Variants in FGD6 observed in about 807,000 individuals in gnomAD.
The protein encoded by FGD6 is FYVE, RhoGEF and PH domain-containing protein 6.
A neutral mutation model predicts 149.4 loss-of-function variants in FGD6; 90 were observed. That is an observed-to-expected ratio of 0.60 (90% CI 0.51 to 0.72). The LOEUF is 0.72. FGD6 is among the 30% of genes least tolerant of loss of function. The pLI is 0.00. For synonymous variants in FGD6, 527 were observed against 584.0 expected (o/e 0.90, Z 1.41); for missense variants, 1,437 against 1,684.8 (o/e 0.85, Z 2.57).
chr12:95,113,022 C>T (rs547920377), intron 9 of FGD6, among the ~76,000 whole-genome samples: 3 of 152,184 alleles, frequency 2.0e-5, no homozygotes, highest in Non-Finnish European at 2.9e-5. Context: ...GAATATGGCA[C>T]GGGCACAGAG....
chr12:95,120,243 A>AAATC, intron 8 of FGD6, among the ~76,000 whole-genome samples: 1 of 147,384 alleles, frequency 6.8e-6, no homozygotes, highest in South Asian at 2.1e-4. Flanking sequence ...AAATAAATAA[A>AAATC]AATAAATAAA....
chr12:95,205,311 T>C (rs922545030), intron 2 of FGD6, among the ~76,000 whole-genome samples: 3 of 151,952 alleles, frequency 2.0e-5, no homozygotes, highest in African/African-American at 4.8e-5. Flanking sequence ...TTATGAAACA[T>C]CTATATTCTA....
chr12:95,107,711 C>T lies in FGD6; in HGVS notation c.3265-80G>A, dbSNP rs920308446. 6.7e-6 allele frequency: 10 copies of T among 1,496,784 alleles called. No homozygotes were observed. The African/African-American group carries it at 1.2e-4, about 19-fold the overall frequency. The allele number at this position is 1,496,784 out of a possible 1,614,324, so 92.7% of individuals were successfully genotyped here. On this transcript the variant is annotated intron_variant, in intron 11 of 20. Transcript: ENST00000343958. The stretch of plus-strand genomic sequence containing the variant: ...TATAATTTCCTTTTCAACTTTCTTC[C>T]CTGAGAATTTTTTTCATGACAGACT...
chr12:95,217,268 C>T lies in FGD6; in HGVS notation c.-28G>A. ...TTCCCCGGTGCAGCTCGCTTCCCCG[C>T]TCGGCCCCTCAATCCATCTTCCCCT... On this transcript the variant is annotated 5_prime_UTR_variant, in exon 1 of 21. Transcript: ENST00000343958. The T allele has an allele frequency of 6.2e-7, 1 of 1,602,090 alleles. No homozygotes were observed. Among genetic ancestry groups the T allele is most frequent in the African/African-American group, 1.3e-5 (1 of 74,540 alleles).
chr12:95,105,935 G>A (rs111915453), intron 13 of FGD6, among the ~76,000 whole-genome samples: 17,074 of 151,940 alleles, frequency 0.11, 1,497 homozygotes, highest in African/African-American at 0.24. Flanking sequence ...TCTCAAACTC[G>A]GGAGGCAGAG....
At chr12:95,097,401 C>T (rs568969906) in intron 14 of FGD6, among the ~76,000 whole-genome samples, 4 of 151,944 alleles carry the variant, frequency 2.6e-5, no homozygotes, top group African/African-American at 4.8e-5. Context: ...TTTGGGAGGC[C>T]GAGGAGGGTG....
At chr12:95,179,904 C>A (rs1881230915) in intron 2 of FGD6, among the ~76,000 whole-genome samples, 1 of 151,922 alleles carries the variant, frequency 6.6e-6, no homozygotes, top group Admixed American at 6.6e-5. Flanking sequence ...CATGGAGAAA[C>A]CCCATCTCTA....
chr12:95,102,456 A>AAAAAC (rs1189520366), intron 14 of FGD6, among the ~76,000 whole-genome samples: 4 of 151,062 alleles, frequency 2.6e-5, no homozygotes, highest in Non-Finnish European at 5.9e-5. Context: ...AAAAAAAAAA[A>AAAAAC]AAAAAAAAAA....
chr12:95,129,704 G>C (rs1012967398), intron 8 of FGD6, among the ~76,000 whole-genome samples: 2 of 152,204 alleles, frequency 1.3e-5, no homozygotes, highest in East Asian at 3.9e-4. Context: ...ACAGAGTCTT[G>C]CTCTGTCACC....
At chr12:95,213,415 T>C (rs1395865829) in intron 1 of FGD6, among the ~76,000 whole-genome samples, 1 of 152,040 alleles carries the variant, frequency 6.6e-6, no homozygotes, top group Non-Finnish European at 1.5e-5. Context: ...TCCGTCTCCA[T>C]GAAAACAAAA....
At chr12:95,176,132 T>G (rs990957162) in intron 2 of FGD6, among the ~76,000 whole-genome samples, 1 of 152,230 alleles carries the variant, frequency 6.6e-6, no homozygotes, top group Non-Finnish European at 1.5e-5. Context: ...GACAAGGGTC[T>G]TGCTGTGTTG....
intron 15 of FGD6, among the ~76,000 whole-genome samples, chr12:95,093,607 C>T (rs574136282): frequency 5.4e-5 from 8 of 149,198 alleles, no homozygotes; most frequent in East Asian, 4.0e-4. Flanking sequence ...ACCTGGGAGG[C>T]GGAGGTTGTG....
rs1057412239 is a variant in FGD6, at chr12:95,209,026, T to C, written c.2258A>G (p.His753Arg). 6.2e-7 allele frequency: 1 copy of C among 1,614,072 alleles called. No individual in the cohort carries two copies. Among genetic ancestry groups the C allele is most frequent in the African/African-American group, 1.3e-5 (1 of 74,926 alleles). ...CTCGTACTCTGGTATTTCCTCATAA[T>C]GGCGTATATTTTCATACTCCGGTGC... ...LCAPEYENIRHYEEIPEYENL... is the reference protein window; with the variant it reads ...LCAPEYENIRRYEEIPEYENL... The change falls in exon 2 of 21, where the codon CAT becomes CGT. Residue 753 changes from histidine (H) to arginine (R), a missense_variant. By Grantham distance (29) the His-to-Arg change is conservative. Around this residue, in one of 2 missense-constraint regions of FGD6, gnomAD observed 1,055 missense variants for 1,146.0 expected, o/e 0.92. Coordinates refer to ENST00000343958, the MANE Select transcript of FGD6 (RefSeq NM_018351.4).
intron 6 of FGD6, among the ~76,000 whole-genome samples, chr12:95,139,606 G>A (rs1344866933): frequency 3.3e-5 from 5 of 151,470 alleles, no homozygotes; most frequent in Admixed American, 2.6e-4. Flanking sequence ...AAAATACTGG[G>A]ATTAAAGGTG....
chr12:95,097,316 C>G (rs1025505127), intron 14 of FGD6, among the ~76,000 whole-genome samples: 11 of 152,150 alleles, frequency 7.2e-5, no homozygotes, highest in Non-Finnish European at 1.6e-4. Context: ...GTACCACTTT[C>G]CCAATGACTG....
chr12:95,178,865 A>T (rs1881203895), intron 2 of FGD6, among the ~76,000 whole-genome samples: 1 of 152,220 alleles, frequency 6.6e-6, no homozygotes. Context: ...AACTTACAAC[A>T]TAAAATGTAC....
rs397687285 is a variant in FGD6, at chr12:95,122,645, C to CAAAA, written c.3083-8948_3083-8945dup. On this transcript the variant is annotated intron_variant, in intron 8 of 20. Transcript: ENST00000343958. ...TGGGCAACAGAGCGAGACTCAGTCTCAAAAAAAAAAAAAAAAAAAAAAAAG... is the reference window on the plus strand; with the variant it reads ...TGGGCAACAGAGCGAGACTCAGTCTCAAAAAAAAAAAAAAAAAAAAAAAAAAAAG... 2.3e-3 allele frequency among the ~76,000 whole-genome samples: 148 copies of CAAAA among 64,364 alleles called. 6 individuals are homozygous for CAAAA. The highest frequency in any genetic ancestry group is 0.011 in the Middle Eastern group (1 of 92). 42.2% of individuals were successfully genotyped at this position (64,364 alleles called of 152,430 possible). A position where few individuals can be genotyped will look rare whatever the true frequency, so the allele number is the denominator to read the frequency against.
intron 8 of FGD6, among the ~76,000 whole-genome samples, chr12:95,129,299 G>GCATC (rs1340104439): frequency 8.5e-5 from 7 of 82,450 alleles, no homozygotes; most frequent in Admixed American, 5.1e-4. Context: ...ATGCATCCAT[G>GCATC]CATGCATGCA....
chr12:95,194,198 T>A (rs1281181804), intron 2 of FGD6, among the ~76,000 whole-genome samples: 1 of 151,596 alleles, frequency 6.6e-6, no homozygotes, highest in African/African-American at 2.4e-5. Context: ...GTGCTGGGGT[T>A]ATAGGCATGA....
Sources: allele counts gnomAD v4.1 joint callset (sites outside exome capture counted in the v4.1 genomes callset), GRCh38; gene constraint gnomAD v4.1.1; regional missense constraint gnomAD v4.1.1; transcripts MANE v1.5; gene names NCBI Gene and HGNC (gene_info 2026-07-23, HGNC 2026-07-21).